Variants in MNAT1 observed in about 807,000 individuals in gnomAD.
MNAT1 encodes CDK-activating kinase assembly factor MAT1.
Under a neutral mutation model 42.0 loss-of-function variants are expected in MNAT1, and 43 were observed. The ratio of observed to expected loss-of-function variants is 1.02; its 90% confidence interval spans 0.80 to 1.32. MNAT1 has a LOEUF of 1.32. Ranked by LOEUF, MNAT1 falls within the 40% of genes most tolerant of loss-of-function variation. The probability of loss-of-function intolerance (pLI) is 0.00; values close to 1 mark genes in which losing one functional copy is unlikely to be tolerated. For synonymous variants in MNAT1, 118 were observed against 120.0 expected (o/e 0.98, Z 0.11); for missense variants, 306 against 350.4 (o/e 0.87, Z 1.01).
chr14:60,823,079 A>G (rs1300672390), intron 6 of MNAT1, among the ~76,000 whole-genome samples: 2 of 152,152 alleles, frequency 1.3e-5, no homozygotes, highest in African/African-American at 4.8e-5. Flanking sequence ...AAGAAGTTTC[A>G]ATCTCAGCTC....
intron 1 of MNAT1, among the ~76,000 whole-genome samples, chr14:60,773,874 C>G (rs923797098): frequency 6.6e-6 from 1 of 152,158 alleles, no homozygotes; most frequent in South Asian, 2.1e-4. Context: ...AGATGTTTCT[C>G]AAGATGTTCT....
chr14:60,901,945 G>A lies in MNAT1; in HGVS notation c.809+22110G>A, dbSNP rs763638597. 2.3e-4 allele frequency among the ~76,000 whole-genome samples: 35 copies of A among 152,330 alleles called. 2 individuals are homozygous for A. In the Middle Eastern group the frequency reaches 0.02, roughly 89 times the overall value. On this transcript the variant is annotated intron_variant, in intron 7 of 7. Coordinates refer to ENST00000261245, the MANE Select transcript of MNAT1 (RefSeq NM_002431.4). The stretch of plus-strand genomic sequence containing the variant: ...AGCTGATAAAGCAGTGATAGGGTTT[G>A]AGAGGATTGCCTCTAATTTTTAAAG...
At chr14:60,803,874 G>T (rs1350869612) in intron 3 of MNAT1, among the ~76,000 whole-genome samples, 1 of 152,000 alleles carries the variant, frequency 6.6e-6, no homozygotes, top group Non-Finnish European at 1.5e-5. Context: ...AATAGAAGGG[G>T]CACACATGAA....
chr14:60,839,983 G>A (rs116355308), intron 6 of MNAT1, among the ~76,000 whole-genome samples: 340 of 152,330 alleles, frequency 2.2e-3, no homozygotes, highest in African/African-American at 7.7e-3. Context: ...TGAGCCCAGC[G>A]GGCCCAAGAA....
chr14:60,898,279 G>T (rs2035003869), intron 7 of MNAT1, among the ~76,000 whole-genome samples: 2 of 151,918 alleles, frequency 1.3e-5, no homozygotes, highest in African/African-American at 2.4e-5. Flanking sequence ...TTTTCCTTTG[G>T]TTAGATACCC....
At chr14:60,794,592 G>A (rs1226980231) in intron 1 of MNAT1, among the ~76,000 whole-genome samples, 1 of 140,786 alleles carries the variant, frequency 7.1e-6, no homozygotes, top group Non-Finnish European at 1.5e-5. Flanking sequence ...CCTGAATCTG[G>A]GAGGGCAAGG....
intron 6 of MNAT1, among the ~76,000 whole-genome samples, chr14:60,864,793 T>C (rs1390854523): frequency 6.6e-6 from 1 of 151,892 alleles, no homozygotes; most frequent in East Asian, 1.9e-4. Context: ...TGGTGGTGTT[T>C]GTGTGTATGT....
chr14:60,821,132 C>T (rs912967728), intron 6 of MNAT1, among the ~76,000 whole-genome samples: 1 of 152,134 alleles, frequency 6.6e-6, no homozygotes, highest in Non-Finnish European at 1.5e-5. Flanking sequence ...TGCCCCCATC[C>T]ACATTATGTT....
At chr14:60,882,197 AT>A (rs927108869) in intron 7 of MNAT1, among the ~76,000 whole-genome samples, 8 of 150,730 alleles carry the variant, frequency 5.3e-5, no homozygotes, top group African/African-American at 7.3e-5. Context: ...CATTCTAACT[AT>A]TTTTTTTTCT....
At chr14:60,899,218 C>T (rs955109646) in intron 7 of MNAT1, among the ~76,000 whole-genome samples, 4 of 152,114 alleles carry the variant, frequency 2.6e-5, no homozygotes, top group Non-Finnish European at 4.4e-5. Flanking sequence ...TATAGATGCA[C>T]GTACTTATTT....
intron 7 of MNAT1, among the ~76,000 whole-genome samples, chr14:60,935,952 G>T (rs2035985431): frequency 6.6e-6 from 1 of 152,070 alleles, no homozygotes; most frequent in Admixed American, 6.6e-5. Context: ...GATATTATTA[G>T]GCTAAAAGGG....
At chr14:60,903,883 T>G (rs1050624134) in intron 7 of MNAT1, among the ~76,000 whole-genome samples, 1 of 150,550 alleles carries the variant, frequency 6.6e-6, no homozygotes, top group East Asian at 1.9e-4. Flanking sequence ...TTTTTTTTTT[T>G]TTTCTTTTTG....
chr14:60,778,873 G>A (rs929131719), intron 1 of MNAT1, among the ~76,000 whole-genome samples: 6 of 152,078 alleles, frequency 3.9e-5, no homozygotes, highest in Non-Finnish European at 5.9e-5. Flanking sequence ...ATATGTACAC[G>A]GGTTCAACAA....
intron 7 of MNAT1, among the ~76,000 whole-genome samples, chr14:60,958,646 T>TTTG (rs1230303794): frequency 7.2e-6 from 1 of 138,552 alleles, no homozygotes; most frequent in African/African-American, 2.7e-5. Flanking sequence ...TTTTTTTTTT[T>TTTG]TTTTTTTTGA....
intron 6 of MNAT1, among the ~76,000 whole-genome samples, chr14:60,826,667 T>C (rs1361854830): frequency 1.3e-5 from 2 of 152,206 alleles, no homozygotes; most frequent in Non-Finnish European, 2.9e-5. Context: ...GTGATAGCTT[T>C]TGAACTCTTA....
chr14:60,841,140 T>G (rs983247809), intron 6 of MNAT1, among the ~76,000 whole-genome samples: 4 of 151,260 alleles, frequency 2.6e-5, no homozygotes, highest in African/African-American at 9.7e-5. Context: ...TCTCTTTCTC[T>G]CTCTCCCTCT....
intron 1 of MNAT1, among the ~76,000 whole-genome samples, chr14:60,789,023 ATC>A (rs1566766052): frequency 6.6e-6 from 1 of 152,116 alleles, no homozygotes; most frequent in Non-Finnish European, 1.5e-5. Flanking sequence ...CTTTTGGGCT[ATC>A]TCAGCTTATG....
chr14:60,922,152 A>C (rs552461612), intron 7 of MNAT1, among the ~76,000 whole-genome samples: 84 of 152,308 alleles, frequency 5.5e-4, no homozygotes, highest in Non-Finnish European at 9.9e-4. Flanking sequence ...TACATTACTA[A>C]ATTTTAAACA....
At chr14:60,900,231 G>C (rs1408492709) in intron 7 of MNAT1, among the ~76,000 whole-genome samples, 2 of 152,176 alleles carry the variant, frequency 1.3e-5, no homozygotes, top group Non-Finnish European at 2.9e-5. Flanking sequence ...TAAGCTTAGT[G>C]AGCAAGATAT....
Sources: allele counts gnomAD v4.1 joint callset (sites outside exome capture counted in the v4.1 genomes callset), GRCh38; gene constraint gnomAD v4.1.1; transcripts MANE v1.5; gene names NCBI Gene and HGNC (gene_info 2026-07-23, HGNC 2026-07-21).